The following AKAP17A variants were observed in gnomAD, a reference collection of about 807,000 sequenced individuals.
AKAP17A encodes A-kinase anchoring protein 17A.
AKAP17A carries 15 observed loss-of-function variants against 52.2 expected under a neutral mutation model. That is an observed-to-expected ratio of 0.29 (90% CI 0.19 to 0.44). The LOEUF (loss-of-function observed/expected upper bound fraction) is 0.44, where lower values mean the gene tolerates loss of function less well. Among genes scored for constraint, AKAP17A ranks in the 20% least tolerant of loss-of-function variants. The probability of loss-of-function intolerance (pLI) is 1.00; values close to 1 mark genes in which losing one functional copy is unlikely to be tolerated. For synonymous variants in AKAP17A, 514 were observed against 424.7 expected (o/e 1.21, Z -2.58); for missense variants, 1,060 against 1,007.0 (o/e 1.05, Z -0.71).
Position 1,601,427 on chromosome X carries a change from C to T in AKAP17A, c.1921C>T (p.Pro641Ser). ...DDSPRRRSTS[P>S]DHTRSRRSHS... ...CAGCCCCCGCCGGCGCAGCACGAGC[C>T]CGGACCACACCCGGTCCCGGAGGTC... Residue 641 changes from proline (P) to serine (S), a missense_variant, in exon 5 of 5, where the codon CCG (proline) becomes TCG (serine). Pro to Ser is a moderately conservative substitution (Grantham distance 74). Coordinates refer to ENST00000313871, the MANE Select transcript of AKAP17A (RefSeq NM_005088.3). The T allele has an allele frequency of 1.3e-6, 2 of 1,571,454 alleles. No homozygotes were observed. Among genetic ancestry groups the T allele is most frequent in the Non-Finnish European group, 1.7e-6 (2 of 1,166,460 alleles).
chrX:1,594,330 C>G (rs1932898832), intron 2 of AKAP17A, 106 bp downstream of exon 2: 2 of 1,340,540 alleles, frequency 1.5e-6, no homozygotes, highest in South Asian at 1.6e-5. Context: ...CTGTGGGGAC[C>G]TCCCCTAAGT....
At chrX:1,593,194 C>T (rs1237718100) in intron 1 of AKAP17A, among the ~76,000 whole-genome samples, 3 of 152,066 alleles carry the variant, frequency 2.0e-5, no homozygotes, top group Non-Finnish European at 2.9e-5. Flanking sequence ...CAGTGCTGAC[C>T]GAGGCTTTGA....
chrX:1,601,287 G>C lies in AKAP17A; in HGVS notation c.1781G>C (p.Gly594Ala), dbSNP rs149309604. The C allele has an allele frequency of 8.3e-4, 1,342 of 1,611,408 alleles. 13 individuals are homozygous for C. The African/African-American group carries it at 0.011, about 13-fold the overall frequency. The change falls in exon 5 of 5, where the codon GGG becomes GCG. Residue 594 changes from glycine (G) to alanine (A), a missense_variant. Around this residue, in one of 2 missense-constraint regions of AKAP17A, gnomAD observed 793 missense variants for 629.9 expected, o/e 1.26. Transcript: ENST00000313871. ...GGCCGGGGCCGGGCCACCGGAGACG[G>C]GCTTGCTGACCGGCACAAGCGGGAG... ...SKGRGRATGD[G>A]LADRHKRERS...
rs1272521038 is a variant in AKAP17A, at chrX:1,594,050, G to T, written c.588G>T (p.Arg196=). Residue 196 remains arginine (R), a synonymous_variant, in exon 2 of 5, where the codon CGG becomes CGT. Coordinates refer to ENST00000313871, the MANE Select transcript of AKAP17A (RefSeq NM_005088.3). The part of the protein sequence containing the change: ...NVDIPMLDPY[R]EEMTGRNFHT... The stretch of plus-strand genomic sequence containing the variant: ...ACATCCCCATGCTGGACCCCTACCG[G>T]GAGGAGATGACGGGCCGCAACTTCC... 1 of 1,612,768 alleles carries T rather than the reference G, an allele frequency of 6.2e-7. No homozygotes were observed. Among genetic ancestry groups the T allele is most frequent in the African/African-American group, 1.3e-5 (1 of 74,892 alleles).
Position 1,599,248 on chromosome X carries a change from G to T in AKAP17A, c.968G>T (p.Arg323Leu), listed in dbSNP as rs199956000. 2 of 1,612,590 alleles carry T rather than the reference G, an allele frequency of 1.2e-6. No homozygotes were observed. Among genetic ancestry groups the T allele is most frequent in the Admixed American group, 1.7e-5 (1 of 59,980 alleles). ...ERERKREEKL[R>L]KREQKQRDRE... ...GAGAGGAAAAGAGAAGAGAAGCTTCGCAAGAGGGAGCAGAAGCAGAGGGAC... is the reference window on the plus strand; with the variant it reads ...GAGAGGAAAAGAGAAGAGAAGCTTCTCAAGAGGGAGCAGAAGCAGAGGGAC... Residue 323 changes from arginine to leucine, a missense_variant, in exon 4 of 5, where the codon CGC becomes CTC. By Grantham distance (102) the Arg-to-Leu change is moderately radical. Transcript: ENST00000313871.
At chrX:1,596,904 C>G (rs1336594158) in intron 3 of AKAP17A, among the ~76,000 whole-genome samples, 1 of 149,438 alleles carries the variant, frequency 6.7e-6, no homozygotes, top group African/African-American at 2.5e-5. Flanking sequence ...CCCTCCCACC[C>G]TCCTAGTGAG....
rs757553188 is a variant in AKAP17A, at chrX:1,599,381, G to C, written c.1101G>C (p.Gln367His). Residue 367 changes from glutamine (Q) to histidine (H), a missense_variant, in exon 4 of 5, where the codon CAG becomes CAC. Gln to His is a conservative substitution (Grantham distance 24). Transcript: ENST00000313871. Reference protein sequence around the residue: ...KLEERKLLLAQRNLQSIRLIA... With the variant: ...KLEERKLLLAHRNLQSIRLIA... ...AGGAGCGCAAGCTGCTGCTGGCCCAGAGGAACCTGCAGTCCATCCGGCTCA... is the reference window on the plus strand; with the variant it reads ...AGGAGCGCAAGCTGCTGCTGGCCCACAGGAACCTGCAGTCCATCCGGCTCA... 3.2e-6 allele frequency: 5 copies of C among 1,581,978 alleles called. No homozygotes were observed. The Admixed American group carries it at 7.4e-5, about 23-fold the overall frequency.
At chrX:1,595,622 G>A in intron 3 of AKAP17A, 90 bp downstream of exon 3, 1 of 1,568,582 alleles carries the variant, frequency 6.4e-7, no homozygotes, top group Admixed American at 1.7e-5. Flanking sequence ...ATGTATTCCT[G>A]TGCGTGTGTG....
Position 1,601,282 on chromosome X carries a change from A to G in AKAP17A, c.1776A>G (p.Gly592=), listed in dbSNP as rs138583106. Reference sequence around the variant, plus strand: ...GCAAGGGCCGGGGCCGGGCCACCGGAGACGGGCTTGCTGACCGGCACAAGC... The same window carrying G: ...GCAAGGGCCGGGGCCGGGCCACCGGGGACGGGCTTGCTGACCGGCACAAGC... ...EPSKGRGRAT[G]DGLADRHKRE... Residue 592 remains glycine (G), a synonymous_variant, in exon 5 of 5, where the codon GGA becomes GGG. Coordinates refer to ENST00000313871, the MANE Select transcript of AKAP17A (RefSeq NM_005088.3). The G allele has an allele frequency of 3.2e-5, 52 of 1,611,894 alleles. No individual in the cohort carries two copies. Among genetic ancestry groups the G allele is most frequent in the Middle Eastern group, 3.3e-4 (2 of 5,986 alleles).
At chrX:1,596,360 C>T (rs1463489126) in intron 3 of AKAP17A, among the ~76,000 whole-genome samples, 1 of 152,126 alleles carries the variant, frequency 6.6e-6, no homozygotes, top group East Asian at 1.9e-4. Context: ...CTCTTTGTAG[C>T]CCCTTTTATC....
Position 1,599,472 on chromosome X carries a change from G to A in AKAP17A, c.1152+40G>A, listed in dbSNP as rs1384941922. ...CCTCTGCAGCCGCCAGCCGCGCCCGGGCTGCCCTCAGTGCCCTCCCCTGAA... is the reference window on the plus strand; with the variant it reads ...CCTCTGCAGCCGCCAGCCGCGCCCGAGCTGCCCTCAGTGCCCTCCCCTGAA... On this transcript the variant is annotated intron_variant, in intron 4 of 4. Transcript: ENST00000313871. The A allele has an allele frequency of 3.9e-6, 6 of 1,552,026 alleles. No homozygotes were observed. The African/African-American group carries it at 4.1e-5, about 11-fold the overall frequency.
rs11553959 is a variant in AKAP17A at position 1,602,270 on chromosome X, T to C, written c.*676T>C. On this transcript the variant is annotated 3_prime_UTR_variant, in exon 5 of 5. Transcript: ENST00000313871. ...TCAAGGAATTAAGCATAAAAAAGAT[T>C]GGTTAAAAGCTTTGGTTTCTAGTAA... 1 of 152,162 alleles carries C rather than the reference T, an allele frequency of 6.6e-6. No individual in the cohort carries two copies. The highest frequency in any genetic ancestry group is 2.4e-5 in the African/African-American group (1 of 41,444). 9.4% of individuals were successfully genotyped at this position (152,162 alleles called of 1,614,324 possible). A position where few individuals can be genotyped will look rare whatever the true frequency, so the allele number is the denominator to read the frequency against.
Position 1,601,881 on chromosome X carries a change from A to C in AKAP17A, c.*287A>C. 2.7e-6 allele frequency: 1 copy of C among 365,996 alleles called. No individual in the cohort carries two copies. The highest frequency in any genetic ancestry group is 4.5e-5 in the Admixed American group (1 of 22,124). The allele number at this position is 365,996 out of a possible 1,614,324, so 22.7% of individuals were successfully genotyped here. A position where few individuals can be genotyped will look rare whatever the true frequency, so the allele number is the denominator to read the frequency against. ...GTCCTCTCTCAGTCAGGAAAATTGC[A>C]CAGACCGACAGTCGTGAGGATGGCA... On this transcript the variant is annotated 3_prime_UTR_variant, in exon 5 of 5. Transcript: ENST00000313871.
chrX:1,593,281 G>A lies in AKAP17A; in HGVS notation c.-19-163G>A, dbSNP rs73631253. ...ATGATTTCAAAAAGTAAAGAACTCC[G>A]TTGAGATGGCTGTTAACAAAGTGGA... On this transcript the variant is annotated intron_variant, in intron 1 of 4. Transcript: ENST00000313871. 2.4e-3 allele frequency among the ~76,000 whole-genome samples: 362 copies of A among 152,276 alleles called. 2 individuals carry two copies. Among genetic ancestry groups the A allele is most frequent in the African/African-American group, 8.6e-3 (358 of 41,556 alleles).
Position 1,601,372 on chromosome X carries a change from G to A in AKAP17A, c.1866G>A (p.Arg622=). The change falls in exon 5 of 5, where the codon CGG becomes CGA. Residue 622 remains arginine, a synonymous_variant. Transcript: ENST00000313871. ...REDGRPRKER[R]PHKKHAYKDD... is the part of the protein sequence containing the mutation. Reference sequence around the variant, plus strand: ...ACGGGAGGCCACGCAAGGAGCGGCGGCCCCACAAGAAGCACGCCTACAAGG... The same window carrying A: ...ACGGGAGGCCACGCAAGGAGCGGCGACCCCACAAGAAGCACGCCTACAAGG... 1.3e-6 allele frequency: 2 copies of A among 1,576,308 alleles called. No homozygotes were observed. Among genetic ancestry groups the A allele is most frequent in the East Asian group, 2.3e-5 (1 of 44,278 alleles).
In AKAP17A at chrX:1,593,588, G is replaced by A. The variant is rs150628929; in HGVS notation, c.126G>A (p.Pro42=). The A allele has an allele frequency of 3.5e-3, 5,641 of 1,613,810 alleles. 143 individuals are homozygous for A. In the African/African-American group the frequency reaches 0.061, roughly 17 times the overall value. Residue 42 remains proline, a synonymous_variant, in exon 2 of 5, where the codon CCG becomes CCA. Coordinates refer to ENST00000313871, the MANE Select transcript of AKAP17A (RefSeq NM_005088.3). ...ISVALPQLKQ[P]GKSISNWEVM... is the part of the protein sequence containing the mutation. ...TGGCACTCCCGCAGCTGAAGCAGCC[G>A]GGGAAGTCCATCTCCAACTGGGAGG...
intron 1 of AKAP17A, among the ~76,000 whole-genome samples, chrX:1,593,205 C>T (rs1273015424): frequency 6.6e-6 from 1 of 152,204 alleles, no homozygotes; most frequent in Admixed American, 6.6e-5. Flanking sequence ...GAGGCTTTGA[C>T]ACTAACCTGT....
rs754999940 is a variant in AKAP17A, at chrX:1,600,503, G to A, written c.1153-156G>A. Among the ~76,000 whole-genome samples, 50 of 152,226 alleles carry A rather than the reference G, an allele frequency of 3.3e-4. 2 individuals carry two copies. The South Asian group carries it at 8.9e-3, about 27-fold the overall frequency. ...ATGGACGGGCTGGACCTGGCTCGCC[G>A]TAGGAGACGCCCCCCACCCCTGGGC... is the stretch of plus-strand genomic sequence containing the variant. On this transcript the variant is annotated intron_variant, in intron 4 of 4. Transcript: ENST00000313871.
At chrX:1,594,275 C>T (rs5989832) in intron 2 of AKAP17A, 51 bp downstream of exon 2, 815,667 of 1,491,398 alleles carry the variant, frequency 0.55, 224,275 homozygotes, top group Middle Eastern at 0.62. Context: ...CTGGCGACTT[C>T]CTTCCAGCAG....
Sources: gnomAD v4.1 joint callset for allele counts (sites outside exome capture counted in the v4.1 genomes callset) on GRCh38, gnomAD v4.1.1 for gene constraint, gnomAD v4.1.1 regional missense constraint, MANE v1.5 for transcripts, NCBI Gene and HGNC (gene_info 2026-07-23, HGNC 2026-07-21) for gene names.